The following CBARP variants were observed in gnomAD, a reference collection of about 807,000 sequenced individuals.
CBARP encodes the protein CACN subunit beta associated regulatory protein.
A neutral mutation model predicts 36.3 loss-of-function variants in CBARP; 24 were observed. The ratio of observed to expected loss-of-function variants is 0.66; its 90% confidence interval spans 0.48 to 0.93. The LOEUF is 0.93. CBARP is among the 40% of genes least tolerant of loss of function. The probability of loss-of-function intolerance (pLI) is 0.00; values close to 1 mark genes in which losing one functional copy is unlikely to be tolerated. For missense variants in CBARP, 1,146 were observed against 980.4 expected (o/e 1.17, Z -2.26); for synonymous variants, 586 against 453.2 (o/e 1.29, Z -3.72).
Position 1,231,081 on chromosome 19 carries a change from C to G in CBARP, c.1154+20G>C, listed in dbSNP as rs760087675. Reference sequence around the variant, plus strand: ...GGGCCCACAGGTCCACCCCTAGCACCTCCATCTACTGAAAAATACCTGCCG... The same window carrying G: ...GGGCCCACAGGTCCACCCCTAGCACGTCCATCTACTGAAAAATACCTGCCG... On this transcript the variant is annotated intron_variant, in intron 9 of 9. Transcript: ENST00000650044. 4.9e-5 allele frequency: 78 copies of G among 1,591,142 alleles called. No homozygotes were observed. The highest frequency in any genetic ancestry group is 6.3e-5 in the Non-Finnish European group (73 of 1,166,860).
chr19:1,230,926 C>T (rs1454280343), intron 9 of CBARP, 175 bp downstream of exon 9: 2 of 1,581,072 alleles, frequency 1.3e-6, no homozygotes, highest in South Asian at 1.1e-5. Context: ...CTCCTCTGGT[C>T]CATGCTGGAG....
Position 1,229,568 on chromosome 19 carries a change from C to CGTGCGG in CBARP, c.1723_1728dup (p.Pro575_His576dup). 9.1e-7 allele frequency: 1 copy of CGTGCGG among 1,094,278 alleles called. No homozygotes were observed. Among genetic ancestry groups the CGTGCGG allele is most frequent in the Non-Finnish European group, 1.1e-6 (1 of 889,328 alleles). The allele number at this position is 1,094,278 out of a possible 1,614,324, so 67.8% of individuals were successfully genotyped here. On this transcript the variant is annotated inframe_insertion, in exon 10 of 10. Transcript: ENST00000650044. The surrounding 1 kb of genome is among the most constrained non-coding windows in gnomAD (Gnocchi z 5.1). Reference sequence around the variant, plus strand: ...CGGCCACGCTGCCACTGTTTGCGGGCGTGCGGGTGCGCGCGGGCGCGGTGT... The same window carrying CGTGCGG: ...CGGCCACGCTGCCACTGTTTGCGGGCGTGCGGGTGCGGGTGCGCGCGGGCGCGGTGT...
rs1164441897 is a variant in CBARP, at chr19:1,237,980, C to A, written c.-246G>T. ...GTGCTGCCCGGTCCCCGGCCCGCCGCCCCCGCTGCGCTCGCCGCTGGGTCT... is the reference window on the plus strand; with the variant it reads ...GTGCTGCCCGGTCCCCGGCCCGCCGACCCCGCTGCGCTCGCCGCTGGGTCT... On this transcript the variant is annotated 5_prime_UTR_variant, in exon 1 of 10. Transcript: ENST00000650044. 1.4e-5 allele frequency: 2 copies of A among 146,954 alleles called. No homozygotes were observed. Among genetic ancestry groups the A allele is most frequent in the African/African-American group, 4.9e-5 (2 of 40,902 alleles). The allele number at this position is 146,954 out of a possible 1,614,324, so 9.1% of individuals were successfully genotyped here. A position where few individuals can be genotyped will look rare whatever the true frequency, so the allele number is the denominator to read the frequency against.
At chr19:1,237,269 C>G (rs1230325292) in intron 1 of CBARP, among the ~76,000 whole-genome samples, 1 of 152,212 alleles carries the variant, frequency 6.6e-6, no homozygotes, top group African/African-American at 2.4e-5. Flanking sequence ...CTGCCCGGGC[C>G]CTGGTACTGG....
intron 8 of CBARP, among the ~76,000 whole-genome samples, chr19:1,233,116 C>T (rs1427088452): frequency 6.6e-6 from 1 of 152,242 alleles, no homozygotes; most frequent in Non-Finnish European, 1.5e-5. Context: ...CCAGGTGGCC[C>T]CCGACACCCT....
chr19:1,231,885 AC>A (rs1458770500), intron 8 of CBARP, among the ~76,000 whole-genome samples: 1 of 151,984 alleles, frequency 6.6e-6, no homozygotes, highest in Non-Finnish European at 1.5e-5. Flanking sequence ...GGCCTCTGGC[AC>A]CGATAGTGCC....
chr19:1,229,979 G>A lies in CBARP; in HGVS notation c.1318C>T (p.Leu440=), dbSNP rs1438027746. Residue 440 remains leucine, a synonymous_variant, in exon 10 of 10, where the codon CTG becomes TTG. Transcript: ENST00000650044. The surrounding 1 kb of genome is among the most constrained non-coding windows in gnomAD (Gnocchi z 5.1). The part of the protein sequence containing the change: ...AQTSYRDLWS[L]RASLELHAAA... ...GCATGCAGCTCAAGCGAGGCGCGCA[G>A]GCTCCACAGGTCGCGGTAGCTGGTC... 2.5e-6 allele frequency: 3 copies of A among 1,223,928 alleles called. No homozygotes were observed. Among genetic ancestry groups the A allele is most frequent in the Non-Finnish European group, 3.1e-6 (3 of 960,110 alleles). 75.8% of individuals were successfully genotyped at this position (1,223,928 alleles called of 1,614,324 possible). A position where few individuals can be genotyped will look rare whatever the true frequency, so the allele number is the denominator to read the frequency against.
At chr19:1,233,368 C>T in intron 8 of CBARP, 58 bp downstream of exon 8, 5 of 1,473,244 alleles carry the variant, frequency 3.4e-6, no homozygotes, top group African/African-American at 1.4e-5. Flanking sequence ...CAGGGCAGCC[C>T]CTGGCAGCCA....
In CBARP at chr19:1,230,145, G is replaced by A. The variant is rs2080870524; in HGVS notation, c.1155-3C>T. On this transcript the variant is annotated splice_polypyrimidine_tract_variant and splice_region_variant and intron_variant, in intron 9 of 9. Coordinates refer to ENST00000650044, the MANE Select transcript of CBARP (RefSeq NM_001393918.1). ...CCGCTGCCTCGGCCGCCTCTAGCCT[G>A]CAAGCCAGGCCGCGCCGTCAGAGCC... is the stretch of plus-strand genomic sequence containing the variant. The A allele has an allele frequency of 9.9e-7, 1 of 1,015,210 alleles. No individual in the cohort carries two copies. The highest frequency in any genetic ancestry group is 1.2e-6 in the Non-Finnish European group (1 of 847,148). The allele number at this position is 1,015,210 out of a possible 1,614,324, so 62.9% of individuals were successfully genotyped here. A position where few individuals can be genotyped will look rare whatever the true frequency, so the allele number is the denominator to read the frequency against.
intron 9 of CBARP, 65 bp downstream of exon 9, chr19:1,231,036 G>A (rs201218608): frequency 6.6e-5 from 102 of 1,556,644 alleles, no homozygotes; most frequent in Middle Eastern, 1.7e-4. Flanking sequence ...GGCCGCCTAG[G>A]GGGGGGCGAA....
intron 8 of CBARP, among the ~76,000 whole-genome samples, chr19:1,232,481 G>A (rs979110354): frequency 1.3e-5 from 2 of 152,144 alleles, no homozygotes; most frequent in South Asian, 2.1e-4. Context: ...AAGGCAGAGC[G>A]GGCCCCAGCC....
chr19:1,229,479 G>A lies in CBARP; in HGVS notation c.1818C>T (p.Ala606=). ...GCGCACGCGCGGGTCGGGCCGCGCC[G>A]GCAGGCGGTGCCGGGGTTCCGGCCA... ...PALAGTPAPP[A]GAARPARAPL... Residue 606 remains alanine, a synonymous_variant, in exon 10 of 10, where the codon GCC becomes GCT. Coordinates refer to ENST00000650044, the MANE Select transcript of CBARP (RefSeq NM_001393918.1). The surrounding 1 kb of genome is among the most constrained non-coding windows in gnomAD (Gnocchi z 5.1). 2.0e-6 allele frequency: 2 copies of A among 979,054 alleles called. No homozygotes were observed. The highest frequency in any genetic ancestry group is 4.7e-5 in the South Asian group (1 of 21,224). The allele number at this position is 979,054 out of a possible 1,614,324, so 60.6% of individuals were successfully genotyped here.
chr19:1,234,413 G>C, intron 6 of CBARP, 82 bp from the exon 7 acceptor site: 2 of 1,432,738 alleles, frequency 1.4e-6, no homozygotes, highest in Non-Finnish European at 1.8e-6. Context: ...CAGGTGAGGA[G>C]CATGCTGGGC....
rs901033982 is a variant in CBARP, at chr19:1,235,560, A to G, written c.251T>C (p.Met84Thr). 24 of 1,607,866 alleles carry G rather than the reference A, an allele frequency of 1.5e-5. No individual in the cohort carries two copies. Among genetic ancestry groups the G allele is most frequent in the Non-Finnish European group, 2.0e-5 (23 of 1,177,666 alleles). The change falls in exon 4 of 10, where the codon ATG becomes ACG. Residue 84 changes from methionine (M) to threonine (T), a missense_variant. By Grantham distance (81) the Met-to-Thr change is moderately conservative (BLOSUM62 -1). Coordinates refer to ENST00000650044, the MANE Select transcript of CBARP (RefSeq NM_001393918.1). Reference protein sequence around the residue: ...WDVHQRLNRAMEEAEKTTTTY... With the variant: ...WDVHQRLNRATEEAEKTTTTY... Reference sequence around the variant, plus strand: ...GGTGGTGGTCTTCTCCGCTTCCTCCATGGCCCTGGGAGAGACGTTGGGAGA... The same window carrying G: ...GGTGGTGGTCTTCTCCGCTTCCTCCGTGGCCCTGGGAGAGACGTTGGGAGA...
chr19:1,235,017 G>C lies in CBARP; in HGVS notation c.439C>G (p.Gln147Glu), dbSNP rs1055842056. Residue 147 changes from glutamine to glutamate, a missense_variant, in exon 5 of 10, where the codon CAG becomes GAG. By Grantham distance (29) the Gln-to-Glu change is conservative (BLOSUM62 2). Transcript: ENST00000650044. ...AALFEQSRKTQDKGRRYTLTE... is the reference protein window; with the variant it reads ...AALFEQSRKTEDKGRRYTLTE... Reference sequence around the variant, plus strand: ...CCCGCTTACCGGCGACCCTTGTCCTGCGTCTTGCGGCTCTGCTCAAACAGC... The same window carrying C: ...CCCGCTTACCGGCGACCCTTGTCCTCCGTCTTGCGGCTCTGCTCAAACAGC... 1 of 1,608,778 alleles carries C rather than the reference G, an allele frequency of 6.2e-7. No homozygotes were observed. Among genetic ancestry groups the C allele is most frequent in the Non-Finnish European group, 8.5e-7 (1 of 1,177,512 alleles).
intron 8 of CBARP, among the ~76,000 whole-genome samples, chr19:1,232,538 G>A (rs948419464): frequency 2.6e-5 from 4 of 152,190 alleles, no homozygotes; most frequent in African/African-American, 9.7e-5. Flanking sequence ...CAGGGCTGGT[G>A]CCTGCTGCCA....
chr19:1,235,235 A>C, intron 4 of CBARP, 90 bp from the exon 5 acceptor site: 2 of 1,335,788 alleles, frequency 1.5e-6, no homozygotes, highest in Non-Finnish European at 1.9e-6. Context: ...CGGCCACGGC[A>C]GGGAGGGCTG....
Position 1,229,180 on chromosome 19 carries a change from T to G in CBARP, c.2117A>C (p.Ter706SerextTer82). The G allele has an allele frequency of 1.7e-6, 2 of 1,143,546 alleles. No homozygotes were observed. The highest frequency in any genetic ancestry group is 2.2e-6 in the Non-Finnish European group (2 of 910,946). 70.8% of individuals were successfully genotyped at this position (1,143,546 alleles called of 1,614,324 possible). A position where few individuals can be genotyped will look rare whatever the true frequency, so the allele number is the denominator to read the frequency against. ...APTSPDHSPA[*>S] ...AGAGATGGGCCCAGGACGCGGGACT[T>G]AGGCCGGGCTGTGGTCGGGGGACGT... The change falls in exon 10 of 10, where the codon TAA becomes TCA. Residue 706 changes from the stop codon to serine (S), a stop_lost. Transcript: ENST00000650044. The surrounding 1 kb of genome is among the most constrained non-coding windows in gnomAD (Gnocchi z 5.1).
Position 1,230,159 on chromosome 19 carries a change from G to A in CBARP, c.1155-17C>T. ...GCCTCTAGCCTGCAAGCCAGGCCGC[G>A]CCGTCAGAGCCCCGCCGAGCCCCGC... On this transcript the variant is annotated splice_polypyrimidine_tract_variant and intron_variant, in intron 9 of 9. Coordinates refer to ENST00000650044, the MANE Select transcript of CBARP (RefSeq NM_001393918.1). 4 of 1,001,534 alleles carry A rather than the reference G, an allele frequency of 4.0e-6. No homozygotes were observed. Among genetic ancestry groups the A allele is most frequent in the South Asian group, 3.9e-5 (1 of 25,898 alleles). 62.0% of individuals were successfully genotyped at this position (1,001,534 alleles called of 1,614,324 possible).
Sources: allele counts gnomAD v4.1 joint callset (sites outside exome capture counted in the v4.1 genomes callset), GRCh38; gene constraint gnomAD v4.1.1; non-coding constraint Gnocchi (gnomAD v3.1); transcripts MANE v1.5; gene names NCBI Gene and HGNC (gene_info 2026-07-23, HGNC 2026-07-21).